The following ZBTB8B variants were observed in gnomAD, a reference collection of about 807,000 sequenced individuals.
ZBTB8B encodes the protein zinc finger and BTB domain containing 8B.
ZBTB8B carries 17 observed loss-of-function variants against 30.3 expected under a neutral mutation model. That is an observed-to-expected ratio of 0.56 (90% CI 0.38 to 0.84). The LOEUF is 0.84. Among genes scored for constraint, ZBTB8B ranks in the 40% least tolerant of loss-of-function variants. The pLI is 0.00. For synonymous variants in ZBTB8B, 248 were observed against 255.6 expected (o/e 0.97, Z 0.28); for missense variants, 515 against 644.9 (o/e 0.80, Z 2.18).
intron 3 of ZBTB8B, among the ~76,000 whole-genome samples, 194 bp downstream of exon 3, chr1:32,481,263 G>T (rs1643702673): frequency 6.6e-6 from 1 of 152,206 alleles, no homozygotes; most frequent in African/African-American, 2.4e-5. Context: ...ATATGTTAGA[G>T]TTAAGTTTTA....
At position 32,475,795 on chromosome 1, in the gene ZBTB8B, C is replaced by T. The variant is rs1376726523; in HGVS notation, c.991+4180C>T. ...TTGACTGGAATCAGATCATGGAAAA[C>T]CTTAAATGCAAAGAGGGGAGGTTTT... On this transcript the variant is annotated intron_variant, in intron 2 of 3. Transcript: ENST00000609129. 2.0e-5 allele frequency among the ~76,000 whole-genome samples: 3 copies of T among 150,366 alleles called. No homozygotes were observed. In the East Asian group the frequency reaches 5.9e-4, roughly 29 times the overall value.
chr1:32,482,754 A>G (rs555486901), intron 3 of ZBTB8B, among the ~76,000 whole-genome samples: 1 of 151,886 alleles, frequency 6.6e-6, no homozygotes, highest in East Asian at 1.9e-4. Context: ...ATAAGTGTCT[A>G]GTATGCAGAA....
chr1:32,472,870 GC>G (rs565352293), intron 2 of ZBTB8B, among the ~76,000 whole-genome samples: 32 of 152,346 alleles, frequency 2.1e-4, no homozygotes, highest in Non-Finnish European at 3.7e-4. Flanking sequence ...TCCTGCCTTG[GC>G]CTCCCAAAGT....
chr1:32,468,550 A>C (rs532376321), intron 1 of ZBTB8B, among the ~76,000 whole-genome samples: 1 of 152,274 alleles, frequency 6.6e-6, no homozygotes, highest in East Asian at 1.9e-4. Context: ...CTTCCATCAA[A>C]GCCGAAAAAA....
chr1:32,465,906 C>A lies in ZBTB8B; in HGVS notation c.-42+801C>A, dbSNP rs150984314. On this transcript the variant is annotated intron_variant, in intron 1 of 3. Coordinates refer to ENST00000609129, the MANE Select transcript of ZBTB8B (RefSeq NM_001145720.2). The surrounding 1 kb of genome is among the most constrained non-coding windows in gnomAD (Gnocchi z 4.1). ...AACTAATGTGCTTGTAAAAGCCAGG[C>A]ATGGTGGCGCGCACCTGTAGTCCCT... Among the ~76,000 whole-genome samples the A allele has an allele frequency of 6.6e-6, 1 of 152,260 alleles. No homozygotes were observed. The highest frequency in any genetic ancestry group is 1.9e-4 in the East Asian group (1 of 5,190).
intron 2 of ZBTB8B, among the ~76,000 whole-genome samples, chr1:32,472,828 G>A (rs1037399034): frequency 1.3e-5 from 2 of 152,126 alleles, no homozygotes. Flanking sequence ...TGTTGGCCAC[G>A]CTAGTCTCAA....
chr1:32,475,585 AAAAAC>A (rs1245482862), intron 2 of ZBTB8B, among the ~76,000 whole-genome samples: 2 of 152,242 alleles, frequency 1.3e-5, no homozygotes, highest in East Asian at 1.9e-4. Context: ...GACTGTCTCA[AAAAAC>A]AAAACAAAAC....
chr1:32,470,885 G>A lies in ZBTB8B; in HGVS notation c.261G>A (p.Lys87=). The A allele has an allele frequency of 6.4e-7, 1 of 1,552,058 alleles. No homozygotes were observed. The highest frequency in any genetic ancestry group is 1.2e-5 in the South Asian group (1 of 84,068). The change falls in exon 2 of 4, where the codon AAG becomes AAA. Residue 87 remains lysine (K), a synonymous_variant. Transcript: ENST00000609129. The stretch of plus-strand genomic sequence containing the variant: ...TCTTAGATTTCCTCTATTCTGGGAA[G>A]TTGGATTTGTGTGGGGAGAATGTGA... ...SIILDFLYSG[K]LDLCGENVIE...
intron 2 of ZBTB8B, among the ~76,000 whole-genome samples, chr1:32,474,626 G>T (rs1380685347): frequency 6.6e-6 from 1 of 152,148 alleles, no homozygotes; most frequent in African/African-American, 2.4e-5. Context: ...GAAGATAGTG[G>T]CTGCTTCCAT....
At position 32,475,779 on chromosome 1, in the gene ZBTB8B, A is replaced by G. The variant is rs145462862; in HGVS notation, c.991+4164A>G. On this transcript the variant is annotated intron_variant, in intron 2 of 3. Transcript: ENST00000609129. ...AGGGGACAGGGAAAAATTGACTGGA[A>G]TCAGATCATGGAAAACCTTAAATGC... 8.5e-3 allele frequency among the ~76,000 whole-genome samples: 1,293 copies of G among 151,562 alleles called. 13 individuals carry two copies. The highest frequency in any genetic ancestry group is 0.029 in the African/African-American group (1,200 of 41,274).
chr1:32,468,057 A>C (rs1397627542), intron 1 of ZBTB8B, among the ~76,000 whole-genome samples: 1 of 150,622 alleles, frequency 6.6e-6, no homozygotes, highest in African/African-American at 2.4e-5. Context: ...CGGAGGTCAG[A>C]GTGGGCCGAG....
chr1:32,466,786 T>G (rs556365223), intron 1 of ZBTB8B, among the ~76,000 whole-genome samples: 1 of 152,272 alleles, frequency 6.6e-6, no homozygotes, highest in Admixed American at 6.5e-5. Context: ...AGAGCCCCTA[T>G]AGATCAGACC....
chr1:32,475,390 T>C (rs1482315220), intron 2 of ZBTB8B, among the ~76,000 whole-genome samples: 1 of 152,130 alleles, frequency 6.6e-6, no homozygotes, highest in South Asian at 2.1e-4. Context: ...AAGACCAGCC[T>C]GGCCAACATG....
chr1:32,472,605 TTTGATTGATTGA>T (rs140028395), intron 2 of ZBTB8B, among the ~76,000 whole-genome samples: 1 of 151,742 alleles, frequency 6.6e-6, no homozygotes, highest in Non-Finnish European at 1.5e-5. Context: ...CTTGAGACTA[TTTGATTGATTGA>T]TTGATTGATT....
intron 1 of ZBTB8B, among the ~76,000 whole-genome samples, chr1:32,470,253 C>T (rs542364554): frequency 2.6e-5 from 4 of 152,020 alleles, no homozygotes; most frequent in South Asian, 2.1e-4. Context: ...GTAATCCCAG[C>T]GCTTTGGGAG....
intron 2 of ZBTB8B, among the ~76,000 whole-genome samples, chr1:32,472,505 T>C (rs1250631978): frequency 2.0e-5 from 3 of 152,224 alleles, no homozygotes; most frequent in African/African-American, 4.8e-5. Context: ...TCCAGAGATA[T>C]ATGCTCCAGA....
In ZBTB8B at chr1:32,485,269, G is replaced by A; in HGVS notation, c.1339G>A (p.Ala447Thr). The A allele has an allele frequency of 1.3e-6, 2 of 1,552,132 alleles. No homozygotes were observed. The highest frequency in any genetic ancestry group is 1.2e-5 in the South Asian group (1 of 84,062). Reference sequence around the variant, plus strand: ...GCCCATCAACCTTAGCTTGGTGGAGGCTTCATCTGAAAGCCAAGAAAAGAG... The same window carrying A: ...GCCCATCAACCTTAGCTTGGTGGAGACTTCATCTGAAAGCCAAGAAAAGAG... Reference protein sequence around the residue: ...LMPINLSLVEASSESQEKSDT... With the variant: ...LMPINLSLVETSSESQEKSDT... Residue 447 changes from alanine (A) to threonine (T), a missense_variant, in exon 4 of 4, where the codon GCT (alanine) becomes ACT (threonine). Physicochemically the swap from Ala to Thr is moderately conservative, Grantham distance 58. Around this residue, in one of 3 missense-constraint regions of ZBTB8B, gnomAD observed 429 missense variants for 504.3 expected, o/e 0.85. Coordinates refer to ENST00000609129, the MANE Select transcript of ZBTB8B (RefSeq NM_001145720.2).
intron 1 of ZBTB8B, among the ~76,000 whole-genome samples, chr1:32,467,666 A>G (rs577664209): frequency 6.6e-6 from 1 of 152,322 alleles, no homozygotes; most frequent in African/African-American, 2.4e-5. Context: ...CAGATACTGT[A>G]AGGGATATAA....
rs550725919 is a variant in ZBTB8B at position 32,481,060 on chromosome 1, C to T, written c.1161C>T (p.His387=). Residue 387 remains histidine, a synonymous_variant, in exon 3 of 4, where the codon CAC becomes CAT. Transcript: ENST00000609129. The part of the protein sequence containing the change: ...RFTRQEHLRS[H]ALSVHRSNRP... ...CTCGACAAGAGCACCTGCGGAGCCA[C>T]GCACTGAGTGTAAGTGTTCGAGCTG... The T allele has an allele frequency of 2.0e-4, 304 of 1,551,226 alleles. No homozygotes were observed. The highest frequency in any genetic ancestry group is 3.5e-4 in the Admixed American group (18 of 50,976).
Sources: gnomAD v4.1 joint callset for allele counts (sites outside exome capture counted in the v4.1 genomes callset) on GRCh38, gnomAD v4.1.1 for gene constraint, gnomAD v4.1.1 regional missense constraint, Gnocchi (gnomAD v3.1) non-coding constraint, MANE v1.5 for transcripts, NCBI Gene and HGNC (gene_info 2026-07-23, HGNC 2026-07-21) for gene names.